The following MAGI3 variants were observed in gnomAD, a reference collection of about 807,000 sequenced individuals.
MAGI3 encodes membrane-associated guanylate kinase, WW and PDZ domain-containing protein 3.
In MAGI3, 43 loss-of-function variants were observed where a neutral mutation model predicts 121.8. The observed-to-expected ratio is 0.35, with a 90% CI of 0.28 to 0.46. MAGI3 has a LOEUF of 0.46. MAGI3 is among the 20% of genes least tolerant of loss of function. MAGI3 has a pLI of 1.00. For synonymous variants in MAGI3, 553 were observed against 639.3 expected (o/e 0.86, Z 2.04); for missense variants, 1,547 against 1,797.3 (o/e 0.86, Z 2.52).
Position 113,391,881 on chromosome 1 carries a change from G to A in MAGI3, c.316+532G>A, listed in dbSNP as rs891426497. 6.6e-5 allele frequency among the ~76,000 whole-genome samples: 10 copies of A among 152,246 alleles called. No homozygotes were observed. Among genetic ancestry groups the A allele is most frequent in the African/African-American group, 2.2e-4 (9 of 41,466 alleles). On this transcript the variant is annotated intron_variant, in intron 1 of 20. Coordinates refer to ENST00000307546, the MANE Select transcript of MAGI3 (RefSeq NM_001142782.2). This position sits in a 1 kb window ranked among gnomAD's most constrained non-coding sequence, Gnocchi z 4.4. ...TGACAGCCTAACTCTGTCAGTCCAGGTGGTTCAGGTGTCTGAGTACCGATG... is the reference window on the plus strand; with the variant it reads ...TGACAGCCTAACTCTGTCAGTCCAGATGGTTCAGGTGTCTGAGTACCGATG...
At chr1:113,486,447 A>C (rs1402106142) in intron 1 of MAGI3, among the ~76,000 whole-genome samples, 1 of 152,004 alleles carries the variant, frequency 6.6e-6, no homozygotes, top group Non-Finnish European at 1.5e-5. Context: ...GTATATTCCT[A>C]AGTTTGTTTG....
intron 1 of MAGI3, among the ~76,000 whole-genome samples, chr1:113,445,393 G>A (rs926945742): frequency 3.3e-5 from 5 of 151,984 alleles, no homozygotes; most frequent in African/African-American, 1.2e-4. Flanking sequence ...TTTGAGGCCA[G>A]GAATTCAAGG....
rs1652335075 is a variant in MAGI3 at position 113,416,179 on chromosome 1, C to CACATATTATTATGTAATTAATG, written c.316+24838_316+24839insTTATGTAATTAATGACATATTA. On this transcript the variant is annotated intron_variant, in intron 1 of 20. Coordinates refer to ENST00000307546, the MANE Select transcript of MAGI3 (RefSeq NM_001142782.2). ...ACACATATTATTATGTAATTAATGA[C>CACATATTATTATGTAATTAATG]ACATATTAATTATGTAATTAATGAC... 3.1e-5 allele frequency among the ~76,000 whole-genome samples: 3 copies of CACATATTATTATGTAATTAATG among 96,504 alleles called. 1 individual carries two copies. The South Asian group carries it at 1.3e-3, about 40-fold the overall frequency. 63.3% of individuals were successfully genotyped at this position (96,504 alleles called of 152,430 possible).
intron 15 of MAGI3, among the ~76,000 whole-genome samples, chr1:113,654,831 C>T (rs1420314209): frequency 1.3e-5 from 2 of 152,184 alleles, no homozygotes; most frequent in East Asian, 3.9e-4. Context: ...AAAATGTGCC[C>T]TTGCCTTTAC....
intron 1 of MAGI3, among the ~76,000 whole-genome samples, chr1:113,406,951 C>T (rs994779152): frequency 1.5e-4 from 23 of 152,056 alleles, no homozygotes; most frequent in Non-Finnish European, 1.9e-4. Context: ...AAATTTTTTA[C>T]TCAGAGAGAA....
At chr1:113,562,215 C>T (rs1660268166) in intron 2 of MAGI3, among the ~76,000 whole-genome samples, 1 of 152,122 alleles carries the variant, frequency 6.6e-6, no homozygotes. Flanking sequence ...ACCATCCTGG[C>T]TAACACGGTG....
At chr1:113,472,908 A>G (rs1655611177) in intron 1 of MAGI3, among the ~76,000 whole-genome samples, 1 of 152,194 alleles carries the variant, frequency 6.6e-6, no homozygotes, top group Non-Finnish European at 1.5e-5. Context: ...CATCTTTTGT[A>G]TTGTATATCT....
chr1:113,532,692 A>G (rs1446487627), intron 1 of MAGI3, among the ~76,000 whole-genome samples: 3 of 152,202 alleles, frequency 2.0e-5, no homozygotes, highest in African/African-American at 2.4e-5. Context: ...TTAATTTTGA[A>G]TTTAAAATTT....
At chr1:113,637,845 T>A (rs1652144214) in intron 9 of MAGI3, among the ~76,000 whole-genome samples, 1 of 152,244 alleles carries the variant, frequency 6.6e-6, no homozygotes, top group South Asian at 2.1e-4. Context: ...GGTTCCATTC[T>A]CCCCATCACT....
chr1:113,576,439 G>T (rs1173492959), intron 2 of MAGI3, among the ~76,000 whole-genome samples: 1 of 152,104 alleles, frequency 6.6e-6, no homozygotes, highest in African/African-American at 2.4e-5. Flanking sequence ...GTGCTTCCTG[G>T]ATGAGGCGCT....
chr1:113,468,542 C>T (rs1012373555), intron 1 of MAGI3, among the ~76,000 whole-genome samples: 3 of 152,102 alleles, frequency 2.0e-5, no homozygotes, highest in Non-Finnish European at 2.9e-5. Context: ...CAGGACAGCT[C>T]ACCACTTTTA....
At chr1:113,466,058 A>G (rs1288374354) in intron 1 of MAGI3, among the ~76,000 whole-genome samples, 1 of 152,100 alleles carries the variant, frequency 6.6e-6, no homozygotes, top group African/African-American at 2.4e-5. Context: ...GAAAATGGAT[A>G]TCCTTGTCTT....
chr1:113,400,542 T>A (rs1013638990), intron 1 of MAGI3, among the ~76,000 whole-genome samples: 17 of 152,136 alleles, frequency 1.1e-4, no homozygotes, highest in African/African-American at 4.1e-4. Context: ...CGGATGACTT[T>A]AGACCATATT....
At chr1:113,556,804 G>A (rs543965283) in intron 2 of MAGI3, among the ~76,000 whole-genome samples, 44 of 152,038 alleles carry the variant, frequency 2.9e-4, no homozygotes, top group Admixed American at 1.4e-3. Flanking sequence ...GAGCTCAAGC[G>A]ATCCTCTGGC....
intron 1 of MAGI3, among the ~76,000 whole-genome samples, chr1:113,435,587 T>A (rs1653526870): frequency 1.3e-5 from 2 of 152,166 alleles, no homozygotes; most frequent in South Asian, 4.1e-4. Flanking sequence ...ATTTATTTAC[T>A]GATTCATTCT....
chr1:113,472,488 AAAT>A (rs1230791252), intron 1 of MAGI3, among the ~76,000 whole-genome samples: 1 of 152,108 alleles, frequency 6.6e-6, no homozygotes, highest in Non-Finnish European at 1.5e-5. Context: ...TTTACATTTA[AAAT>A]AATTGTTGAT....
At chr1:113,527,726 T>A (rs1374947198) in intron 1 of MAGI3, among the ~76,000 whole-genome samples, 1 of 152,158 alleles carries the variant, frequency 6.6e-6, no homozygotes, top group Non-Finnish European at 1.5e-5. Flanking sequence ...TGGATCTGAC[T>A]TAAGGAAAAA....
At chr1:113,676,167 T>C (rs1278151279) in intron 19 of MAGI3, among the ~76,000 whole-genome samples, 1 of 152,086 alleles carries the variant, frequency 6.6e-6, no homozygotes, top group African/African-American at 2.4e-5. Context: ...AAATGATAAA[T>C]TAGGATATAA....
chr1:113,586,613 T>C (rs546879483), intron 4 of MAGI3, among the ~76,000 whole-genome samples: 29 of 152,266 alleles, frequency 1.9e-4, no homozygotes, highest in African/African-American at 5.8e-4. Context: ...TGAATTCACA[T>C]CTAATTTTTA....
Sources: allele counts gnomAD v4.1 joint callset (sites outside exome capture counted in the v4.1 genomes callset), GRCh38; gene constraint gnomAD v4.1.1; non-coding constraint Gnocchi (gnomAD v3.1); transcripts MANE v1.5; gene names NCBI Gene and HGNC (gene_info 2026-07-23, HGNC 2026-07-21).